Variants in RBFOX3 observed in about 807,000 individuals in gnomAD.
The protein encoded by RBFOX3 is RNA binding protein fox-1 homolog 3.
RBFOX3 carries 17 observed loss-of-function variants against 48.7 expected under a neutral mutation model. That is an observed-to-expected ratio of 0.35 (90% CI 0.24 to 0.52). The LOEUF is 0.52. Ranked by LOEUF, RBFOX3 falls within the 20% of genes least tolerant of loss-of-function variation. The probability of loss-of-function intolerance (pLI) is 0.94; values close to 1 mark genes in which losing one functional copy is unlikely to be tolerated. For synonymous variants in RBFOX3, 212 were observed against 209.5 expected (o/e 1.01, Z -0.10); for missense variants, 382 against 497.5 (o/e 0.77, Z 2.21).
At chr17:79,422,637 G>A (rs1055156438) in intron 2 of RBFOX3, among the ~76,000 whole-genome samples, 4 of 152,124 alleles carry the variant, frequency 2.6e-5, no homozygotes, top group Non-Finnish European at 5.9e-5. Flanking sequence ...ATGCTGGGTC[G>A]TCACCCCGGC....
rs1251355699 is a variant in RBFOX3, at chr17:79,471,366, T to G, written c.-175+11088A>C. Among the ~76,000 whole-genome samples the G allele has an allele frequency of 4.6e-5, 7 of 152,114 alleles. No individual in the cohort carries two copies. The highest frequency in any genetic ancestry group is 1.0e-4 in the Non-Finnish European group (7 of 67,998). ...AGGGCCGGGCAAAATACTAAATAAT[T>G]CAAAAATCATGATGACCTTGCCTTG... On this transcript the variant is annotated intron_variant, in intron 2 of 14. Coordinates refer to ENST00000693108, the MANE Select transcript of RBFOX3 (RefSeq NM_001350451.2). This position sits in a 1 kb window ranked among gnomAD's most constrained non-coding sequence, Gnocchi z 4.0.
the RBFOX3 span, among the ~76,000 whole-genome samples, chr17:79,620,530 C>T: frequency 9.0e-4 from 136 of 151,468 alleles, no homozygotes; most frequent in Admixed American, 1.8e-3. Flanking sequence ...CATGCATACG[C>T]GCACATGCAC....
chr17:79,406,718 T>C (rs551000912), intron 2 of RBFOX3, among the ~76,000 whole-genome samples: 9 of 152,352 alleles, frequency 5.9e-5, no homozygotes, highest in African/African-American at 2.2e-4. Flanking sequence ...CAGCAGTTGA[T>C]AAAATTTGCT....
At chr17:79,385,140 C>T (rs1217491548) in intron 2 of RBFOX3, among the ~76,000 whole-genome samples, 2 of 152,190 alleles carry the variant, frequency 1.3e-5, no homozygotes, top group Non-Finnish European at 2.9e-5. Context: ...CAGCTTGTCC[C>T]AAAACACCTA....
the RBFOX3 span, among the ~76,000 whole-genome samples, chr17:79,620,920 G>C: frequency 2.6e-5 from 4 of 152,090 alleles, no homozygotes; most frequent in South Asian, 6.2e-4. Context: ...TTTCAGGCTG[G>C]TTTCTTCTAC....
chr17:79,616,697 G>A, the RBFOX3 span, among the ~76,000 whole-genome samples: 1 of 151,994 alleles, frequency 6.6e-6, no homozygotes, highest in Non-Finnish European at 1.5e-5. Flanking sequence ...AGCACGCTGT[G>A]GGACCCTGTG....
chr17:79,210,496 C>T (rs965737202), intron 4 of RBFOX3, among the ~76,000 whole-genome samples: 1 of 152,238 alleles, frequency 6.6e-6, no homozygotes, highest in East Asian at 1.9e-4. Context: ...GCATACTTCA[C>T]GTAACTATCC....
At chr17:79,226,910 C>T (rs1266995669) in intron 4 of RBFOX3, among the ~76,000 whole-genome samples, 1 of 152,236 alleles carries the variant, frequency 6.6e-6, no homozygotes, top group Non-Finnish European at 1.5e-5. Context: ...CCAGCTCTGA[C>T]AAGTTGCTCG....
chr17:79,507,848 C>T (rs1343405028), intron 1 of RBFOX3, among the ~76,000 whole-genome samples: 1 of 152,186 alleles, frequency 6.6e-6, no homozygotes, highest in African/African-American at 2.4e-5. Context: ...CCAGGAAAAC[C>T]CACCCTGGGG....
chr17:79,176,529 C>T (rs1428229091), intron 4 of RBFOX3, among the ~76,000 whole-genome samples: 1 of 152,266 alleles, frequency 6.6e-6, no homozygotes, highest in Non-Finnish European at 1.5e-5. Context: ...AAACCAATGG[C>T]CATATTCCAG....
intron 2 of RBFOX3, among the ~76,000 whole-genome samples, chr17:79,432,959 T>C (rs2068734299): frequency 6.6e-6 from 1 of 152,196 alleles, no homozygotes; most frequent in East Asian, 1.9e-4. Flanking sequence ...GTCGCTCTCC[T>C]CCCTCTTCTC....
At chr17:79,589,675 A>T (rs1308193626) in intron 1 of RBFOX3, among the ~76,000 whole-genome samples, 1 of 151,624 alleles carries the variant, frequency 6.6e-6, no homozygotes, top group African/African-American at 2.4e-5. Flanking sequence ...AGGAGCTGGG[A>T]CCCCCTGGAA....
At chr17:79,171,731 G>A (rs2049338763) in intron 4 of RBFOX3, among the ~76,000 whole-genome samples, 2 of 108,714 alleles carry the variant, frequency 1.8e-5, no homozygotes, top group African/African-American at 1.2e-4. Context: ...CAAAGTGCTG[G>A]GATTACATGT....
Position 79,249,541 on chromosome 17 carries a change from G to A in RBFOX3, c.-73-13736C>T, listed in dbSNP as rs1051186163. On this transcript the variant is annotated intron_variant, in intron 3 of 14. Coordinates refer to ENST00000693108, the MANE Select transcript of RBFOX3 (RefSeq NM_001350451.2). This position sits in a 1 kb window ranked among gnomAD's most constrained non-coding sequence, Gnocchi z 4.1. ...ACCAGATCCCACACCCCAAGCCCCT[G>A]CCTCTATCGGGGTCCCATGCTCCCG... 6.6e-6 allele frequency among the ~76,000 whole-genome samples: 1 copy of A among 151,956 alleles called. No individual in the cohort carries two copies. The highest frequency in any genetic ancestry group is 2.4e-5 in the African/African-American group (1 of 41,350).
chr17:79,153,299 TGGCC>T (rs2045021282), intron 4 of RBFOX3, among the ~76,000 whole-genome samples: 1 of 152,198 alleles, frequency 6.6e-6, no homozygotes, highest in Non-Finnish European at 1.5e-5. Context: ...GCAGAGGGTG[TGGCC>T]AGGGAGGTAA....
intron 2 of RBFOX3, among the ~76,000 whole-genome samples, chr17:79,414,067 C>T (rs866285763): frequency 7.9e-5 from 12 of 152,190 alleles, no homozygotes; most frequent in African/African-American, 2.2e-4. Flanking sequence ...CCCACCAGCT[C>T]GGCTGGCCTC....
intron 4 of RBFOX3, among the ~76,000 whole-genome samples, chr17:79,180,526 A>G (rs2045661): frequency 0.72 from 109,370 of 152,160 alleles, 40,442 homozygotes; most frequent in African/African-American, 0.9. Context: ...CTGGAGCACC[A>G]CAGGCTCTCA....
chr17:79,611,926 T>G (rs1424589727), upstream of RBFOX3, among the ~76,000 whole-genome samples: 1 of 152,146 alleles, frequency 6.6e-6, no homozygotes, highest in African/African-American at 2.4e-5. Flanking sequence ...GTAGCTCCTG[T>G]CCCCAGTCCC....
At chr17:79,354,136 T>C (rs999006101) in intron 2 of RBFOX3, among the ~76,000 whole-genome samples, 16 of 152,062 alleles carry the variant, frequency 1.1e-4, no homozygotes, top group African/African-American at 3.6e-4. Context: ...GGTCCATCAG[T>C]TCAATGGGTG....
Sources: gnomAD v4.1 joint callset for allele counts (sites outside exome capture counted in the v4.1 genomes callset) on GRCh38, gnomAD v4.1.1 for gene constraint, Gnocchi (gnomAD v3.1) non-coding constraint, MANE v1.5 for transcripts, NCBI Gene and HGNC (gene_info 2026-07-23, HGNC 2026-07-21) for gene names.